P2RY12: variants seen among roughly 807,000 people sequenced by gnomAD.
P2RY12 encodes P2Y purinoceptor 12.
P2RY12 carries 3 observed loss-of-function variants against 4.5 expected under a neutral mutation model. The ratio of observed to expected loss-of-function variants is 0.67; its 90% CI spans 0.31 to 1.74. The LOEUF is 1.74. Among genes scored for constraint, P2RY12 ranks in the 40% most tolerant of loss-of-function variants. The pLI, the probability that P2RY12 is intolerant of heterozygous loss-of-function variation, is 0.09. For missense variants in P2RY12, 356 were observed against 407.8 expected (o/e 0.87, Z 1.09); for synonymous variants, 148 against 154.1 (o/e 0.96, Z 0.29).
chr3:151,378,950 C>T (rs987322479), intron 1 of P2RY12, among the ~76,000 whole-genome samples: 1 of 152,184 alleles, frequency 6.6e-6, no homozygotes. Context: ...GGTAGGTACT[C>T]TCATTATCTT....
intron 1 of P2RY12, chr3:151,368,095 A>G: frequency 7.4e-7 from 1 of 1,355,608 alleles, no homozygotes; most frequent in South Asian, 1.2e-5. Context: ...GGAAACCTGA[A>G]GGACTTGTTC....
chr3:151,379,492 C>G (rs1209898633), intron 1 of P2RY12, among the ~76,000 whole-genome samples: 2 of 152,348 alleles, frequency 1.3e-5, no homozygotes, highest in Admixed American at 6.5e-5. Flanking sequence ...CTTGACACCT[C>G]TTTACCAGTG....
chr3:151,369,344 AG>A (rs927802544), intron 1 of P2RY12: 8 of 785,702 alleles, frequency 1.0e-5, no homozygotes, highest in African/African-American at 3.5e-5. Flanking sequence ...AAGCACCCAC[AG>A]TCTAACAATG....
intron 1 of P2RY12, among the ~76,000 whole-genome samples, chr3:151,351,451 A>G (rs1753227857): frequency 6.6e-6 from 1 of 152,212 alleles, no homozygotes; most frequent in South Asian, 2.1e-4. Flanking sequence ...TCTCTGAGGA[A>G]GCAACCAAGA....
intron 1 of P2RY12, among the ~76,000 whole-genome samples, chr3:151,358,208 T>C (rs1754171610): frequency 6.6e-6 from 1 of 152,152 alleles, no homozygotes; most frequent in South Asian, 2.1e-4. Context: ...ATGCTACCTT[T>C]ATTTGTATTA....
intron 1 of P2RY12, among the ~76,000 whole-genome samples, chr3:151,367,931 T>C (rs1267591960): frequency 1.3e-5 from 2 of 152,150 alleles, no homozygotes; most frequent in Non-Finnish European, 2.9e-5. Context: ...TTTATACAAA[T>C]TAACATGTAT....
At chr3:151,353,888 T>C (rs1376575232) in intron 1 of P2RY12, among the ~76,000 whole-genome samples, 1 of 151,962 alleles carries the variant, frequency 6.6e-6, no homozygotes, top group Admixed American at 6.6e-5. Context: ...ACGCCTGTAA[T>C]CCCAGCACTT....
At chr3:151,346,251 T>A (rs1367505645) in intron 1 of P2RY12, among the ~76,000 whole-genome samples, 1 of 152,210 alleles carries the variant, frequency 6.6e-6, no homozygotes, top group African/African-American at 2.4e-5. Context: ...AAGAGGCCAT[T>A]GTCTCTTATA....
chr3:151,357,155 T>C, intron 1 of P2RY12: 2 of 1,383,538 alleles, frequency 1.4e-6, no homozygotes, highest in Non-Finnish European at 2.0e-6. Flanking sequence ...TAAAAATAAA[T>C]GTTTTCTCTA....
rs753746390 is a variant in P2RY12 at position 151,368,170 on chromosome 3, G to A, written c.-180+16522C>T. ...CCTAGCTTGTGGGGATGCGGACGCC[G>A]AGCCTGGGGCGAGAATGACATGCCG... On this transcript the variant is annotated intron_variant, in intron 1 of 2. Transcript: ENST00000302632. 6.2e-7 allele frequency: 1 copy of A among 1,613,942 alleles called. No individual in the cohort carries two copies.
At chr3:151,354,026 A>G (rs1244352933) in intron 1 of P2RY12, among the ~76,000 whole-genome samples, 3 of 148,850 alleles carry the variant, frequency 2.0e-5, no homozygotes, top group Non-Finnish European at 4.5e-5. Flanking sequence ...CTGTAGTCCC[A>G]GCTACTTGGG....
At chr3:151,379,705 T>C (rs1711897682) in intron 1 of P2RY12, among the ~76,000 whole-genome samples, 1 of 152,242 alleles carries the variant, frequency 6.6e-6, no homozygotes, top group Non-Finnish European at 1.5e-5. Context: ...TAGGCCTGTT[T>C]TCCCAGACTC....
Position 151,368,363 on chromosome 3 carries a change from C to T in P2RY12, c.-180+16329G>A, listed in dbSNP as rs1450786754. On this transcript the variant is annotated intron_variant, in intron 1 of 2. Coordinates refer to ENST00000302632, the MANE Select transcript of P2RY12 (RefSeq NM_022788.5). The stretch of plus-strand genomic sequence containing the variant: ...TTGCCTTCTTAATTTTTTGGGCATG[C>T]CCTGGGGGTGATGAAGGGTGAGATG... The T allele has an allele frequency of 4.7e-6, 4 of 847,548 alleles. No individual in the cohort carries two copies. The Admixed American group carries it at 6.2e-5, about 13-fold the overall frequency. 52.5% of individuals were successfully genotyped at this position (847,548 alleles called of 1,614,324 possible). A position where few individuals can be genotyped will look rare whatever the true frequency, so the allele number is the denominator to read the frequency against.
intron 1 of P2RY12, among the ~76,000 whole-genome samples, chr3:151,353,377 A>G (rs1038298560): frequency 6.6e-6 from 1 of 152,256 alleles, no homozygotes; most frequent in South Asian, 2.1e-4. Flanking sequence ...AAAATTTCAT[A>G]CATAATTTGT....
At position 151,384,168 on chromosome 3, in the gene P2RY12, G is replaced by A. The variant is rs780352412; in HGVS notation, c.-180+524C>T. On this transcript the variant is annotated intron_variant, in intron 1 of 2. Transcript: ENST00000302632. The stretch of plus-strand genomic sequence containing the variant: ...TGACCTATCAAATGCATCCCCTGGG[G>A]GATCTGAAGAGAACAAGCGTGCATA... 7 of 1,613,744 alleles carry A rather than the reference G, an allele frequency of 4.3e-6. No homozygotes were observed. The African/African-American group carries it at 5.3e-5, about 12-fold the overall frequency.
intron 1 of P2RY12, chr3:151,355,011 A>AT: frequency 5.3e-6 from 4 of 759,918 alleles, no homozygotes; most frequent in Non-Finnish European, 9.1e-6. Flanking sequence ...AATTCATAGA[A>AT]TTTGTGCACT....
chr3:151,354,140 CAAAAAAAA>C (rs63033360), intron 1 of P2RY12, among the ~76,000 whole-genome samples: 11 of 62,842 alleles, frequency 1.8e-4, no homozygotes, highest in South Asian at 1.5e-3. Context: ...GACTCCGTCT[CAAAAAAAA>C]AAAAAAAAAA....
chr3:151,342,100 G>A (rs1020018340), intron 1 of P2RY12, among the ~76,000 whole-genome samples: 1 of 152,124 alleles, frequency 6.6e-6, no homozygotes, highest in Non-Finnish European at 1.5e-5. Context: ...CCCAGTAATG[G>A]GATGGCTGGG....
chr3:151,350,178 A>G (rs1422414592), intron 1 of P2RY12: 5 of 1,613,744 alleles, frequency 3.1e-6, no homozygotes, highest in Admixed American at 1.7e-5. Context: ...TGAAAATTCT[A>G]AATAAGAAGA....
Sources: gnomAD v4.1 joint callset for allele counts (sites outside exome capture counted in the v4.1 genomes callset) on GRCh38, gnomAD v4.1.1 for gene constraint, MANE v1.5 for transcripts, NCBI Gene and HGNC (gene_info 2026-07-23, HGNC 2026-07-21) for gene names.